Variants in NBEAL1 observed in about 807,000 individuals in gnomAD.
NBEAL1 encodes the protein neurobeachin-like protein 1.
NBEAL1 carries 273 observed loss-of-function variants against 351.3 expected under a neutral mutation model. The ratio of observed to expected loss-of-function variants is 0.78; its 90% CI spans 0.70 to 0.86. The LOEUF (loss-of-function observed/expected upper bound fraction) is 0.86. Among genes scored for constraint, NBEAL1 ranks in the 40% least tolerant of loss-of-function variants. NBEAL1 has a pLI of 0.00. For synonymous variants in NBEAL1, 1,050 were observed against 1,086.4 expected, an observed-to-expected ratio of 0.97 and a Z score of 0.66; for missense variants, 2,961 against 3,201.3, an observed-to-expected ratio of 0.92 and a Z score of 1.81.
intron 35 of NBEAL1, among the ~76,000 whole-genome samples, chr2:203,153,352 G>A (rs1388787063): frequency 1.3e-5 from 2 of 149,374 alleles, no homozygotes; most frequent in Non-Finnish European, 3.0e-5. Flanking sequence ...ATATTGCCAG[G>A]CTGGTCTTGA....
chr2:203,193,912 G>A lies in NBEAL1; in HGVS notation c.7038+1G>A, dbSNP rs1295600565. 6.6e-7 allele frequency: 1 copy of A among 1,524,500 alleles called. No homozygotes were observed. The highest frequency in any genetic ancestry group is 1.7e-5 in the Admixed American group (1 of 57,956). The allele number at this position is 1,524,500 out of a possible 1,614,324, so 94.4% of individuals were successfully genotyped here. Reference sequence around the variant, plus strand: ...TGAACTCAAGTCATTTTTTATAGAGGTAATATCCTACTTGGTAATATCAAA... The same window carrying A: ...TGAACTCAAGTCATTTTTTATAGAGATAATATCCTACTTGGTAATATCAAA... On this transcript the variant is annotated splice_donor_variant, in intron 47 of 55. Coordinates refer to ENST00000683969, the MANE Select transcript of NBEAL1 (RefSeq NM_001378026.1). LOFTEE classifies it high-confidence loss of function.
At chr2:203,069,034 G>C (rs1442470661) in intron 7 of NBEAL1, among the ~76,000 whole-genome samples, 1 of 152,044 alleles carries the variant, frequency 6.6e-6, no homozygotes, top group Non-Finnish European at 1.5e-5. Flanking sequence ...CTGGCCACTG[G>C]TGGTATATTT....
chr2:203,209,180 A>G lies in NBEAL1; in HGVS notation c.7643A>G (p.His2548Arg). ...GTGTAGGATGGAACGGTGATTATAC[A>G]TACCATTCAGAAAGGTCAGTACATG... ...SGSRDGTVII[H>R]TIQKGQYMRT... The change falls in exon 53 of 56, where the codon CAT becomes CGT. Residue 2548 changes from histidine to arginine, a missense_variant. His to Arg is a conservative substitution (Grantham distance 29, BLOSUM62 0). Coordinates refer to ENST00000683969, the MANE Select transcript of NBEAL1 (RefSeq NM_001378026.1). The G allele has an allele frequency of 6.2e-7, 1 of 1,612,544 alleles. No individual in the cohort carries two copies. Among genetic ancestry groups the G allele is most frequent in the Non-Finnish European group, 8.5e-7 (1 of 1,178,590 alleles).
At chr2:203,032,433 A>G (rs1009192643) in intron 2 of NBEAL1, among the ~76,000 whole-genome samples, 1 of 151,766 alleles carries the variant, frequency 6.6e-6, no homozygotes, top group African/African-American at 2.4e-5. Context: ...TGAGGCGGGC[A>G]GATCATGGGG....
At chr2:203,140,429 T>C (rs2063337140) in intron 31 of NBEAL1, among the ~76,000 whole-genome samples, 1 of 152,194 alleles carries the variant, frequency 6.6e-6, no homozygotes, top group African/African-American at 2.4e-5. Flanking sequence ...ATATATCTTT[T>C]TCAGATGTCA....
chr2:203,202,660 C>T (rs115883003), intron 50 of NBEAL1, 27 bp from the exon 51 acceptor site: 1 of 1,312,244 alleles, frequency 7.6e-7, no homozygotes, highest in Non-Finnish European at 1.1e-6. Flanking sequence ...CGAGGCATCT[C>T]ATTTTATTTA....
intron 2 of NBEAL1, among the ~76,000 whole-genome samples, chr2:203,029,190 A>G (rs1302763669): frequency 1.3e-5 from 2 of 152,076 alleles, no homozygotes; most frequent in Non-Finnish European, 2.9e-5. Context: ...AGGTTTTACC[A>G]TGTTGGCCAG....
chr2:203,072,634 C>T (rs1269903808), intron 7 of NBEAL1, among the ~76,000 whole-genome samples: 3 of 152,144 alleles, frequency 2.0e-5, no homozygotes, highest in Admixed American at 6.5e-5. Context: ...TTCCACAAAA[C>T]ACTAGAACAC....
At chr2:203,038,489 G>A (rs564053434) in intron 2 of NBEAL1, among the ~76,000 whole-genome samples, 5 of 149,090 alleles carry the variant, frequency 3.4e-5, no homozygotes, top group East Asian at 1.9e-4. Context: ...CTGTTTGGCC[G>A]TTTGTATATT....
chr2:203,043,534 A>G (rs907733295), intron 3 of NBEAL1, among the ~76,000 whole-genome samples: 1 of 152,010 alleles, frequency 6.6e-6, no homozygotes, highest in Admixed American at 6.6e-5. Flanking sequence ...TGAGCCTAGG[A>G]GTTTGAGACC....
At chr2:203,099,293 A>G (rs2062254763) in intron 11 of NBEAL1, among the ~76,000 whole-genome samples, 1 of 151,532 alleles carries the variant, frequency 6.6e-6, no homozygotes, top group Admixed American at 6.6e-5. Context: ...AAAAAAAAAA[A>G]GTAATAGGAT....
intron 55 of NBEAL1, 62 bp from the exon 56 acceptor site, chr2:203,217,191 A>G (rs1343750248): frequency 2.4e-6 from 3 of 1,252,070 alleles, no homozygotes; most frequent in Non-Finnish European, 2.1e-6. Context: ...AGTGTCTTAC[A>G]TATCTTTTTT....
Position 203,222,592 on chromosome 2 carries a change from G to A in NBEAL1, c.*5238G>A, listed in dbSNP as rs946630400. Among the ~76,000 whole-genome samples the A allele has an allele frequency of 6.6e-6, 1 of 152,062 alleles. No homozygotes were observed. Among genetic ancestry groups the A allele is most frequent in the African/African-American group, 2.4e-5 (1 of 41,416 alleles). On this transcript the variant is annotated 3_prime_UTR_variant, in exon 56 of 56. Transcript: ENST00000683969. ...TTTTATCATGAACTCTCTTTAGACTGTTCACATTTGAAAATTATAACTAAT... is the reference window on the plus strand; with the variant it reads ...TTTTATCATGAACTCTCTTTAGACTATTCACATTTGAAAATTATAACTAAT...
At chr2:203,063,103 C>T (rs1048430638) in intron 6 of NBEAL1, among the ~76,000 whole-genome samples, 4 of 152,060 alleles carry the variant, frequency 2.6e-5, no homozygotes, top group African/African-American at 9.7e-5. Flanking sequence ...TTTGATTAAT[C>T]TGTTATCAAT....
rs1275117603 is a variant in NBEAL1 at position 203,151,535 on chromosome 2, C to T, written c.5533C>T (p.Pro1845Ser). 6.2e-7 allele frequency: 1 copy of T among 1,610,612 alleles called. No homozygotes were observed. Among genetic ancestry groups the T allele is most frequent in the Non-Finnish European group, 8.5e-7 (1 of 1,178,440 alleles). The change falls in exon 35 of 56, where the codon CCG becomes TCG. Residue 1845 changes from proline to serine, a missense_variant. Coordinates refer to ENST00000683969, the MANE Select transcript of NBEAL1 (RefSeq NM_001378026.1). ...TTCCCGCATGAGACTTAAGCTGGTA[C>T]CGAATTATAATTTCAAAACCCATGA... ...NYSRMRLKLV[P>S]NYNFKTHEEA...
intron 12 of NBEAL1, among the ~76,000 whole-genome samples, chr2:203,103,284 T>A (rs2062365137): frequency 6.6e-6 from 1 of 152,242 alleles, no homozygotes; most frequent in East Asian, 1.9e-4. Context: ...TATTTCTTTT[T>A]TTTTTTGGAG....
chr2:203,115,984 G>C lies in NBEAL1; in HGVS notation c.2507-1G>C. Reference sequence around the variant, plus strand: ...TGTATGTGTGTGTAAATAATTTTCAGGTCCAAATTGTTTAAGCCCTTGGAA... The same window carrying C: ...TGTATGTGTGTGTAAATAATTTTCACGTCCAAATTGTTTAAGCCCTTGGAA... On this transcript the variant is annotated splice_acceptor_variant, in intron 17 of 55. Coordinates refer to ENST00000683969, the MANE Select transcript of NBEAL1 (RefSeq NM_001378026.1). LOFTEE classifies it high-confidence loss of function. The C allele has an allele frequency of 6.5e-7, 1 of 1,549,620 alleles. No homozygotes were observed. The highest frequency in any genetic ancestry group is 1.2e-5 in the South Asian group (1 of 84,024).
intron 33 of NBEAL1, among the ~76,000 whole-genome samples, chr2:203,145,449 T>C (rs1286730491): frequency 6.6e-6 from 1 of 152,146 alleles, no homozygotes; most frequent in Admixed American, 6.5e-5. Context: ...TTACAGGACA[T>C]AATGTTTATA....
intron 33 of NBEAL1, among the ~76,000 whole-genome samples, chr2:203,145,797 C>CAAAA (rs56382460): frequency 4.8e-4 from 41 of 85,946 alleles, no homozygotes; most frequent in Non-Finnish European, 5.7e-4. Flanking sequence ...GACTCCATCT[C>CAAAA]AAAAAAAAAA....
Sources: gnomAD v4.1 joint callset for allele counts (sites outside exome capture counted in the v4.1 genomes callset) on GRCh38, gnomAD v4.1.1 for gene constraint, MANE v1.5 for transcripts, NCBI Gene and HGNC (gene_info 2026-07-23, HGNC 2026-07-21) for gene names.